The following ACACA variants were observed in gnomAD, a reference collection of about 807,000 sequenced individuals.
ACACA encodes acetyl-CoA carboxylase 1.
In ACACA, 103 loss-of-function variants were observed where a neutral mutation model predicts 296.1. The ratio of observed to expected loss-of-function variants is 0.35; its 90% CI spans 0.30 to 0.41. The LOEUF is 0.41. Among genes scored for constraint, ACACA ranks in the 10% least tolerant of loss-of-function variants. The pLI, the probability that ACACA is intolerant of heterozygous loss-of-function variation, is 1.00. For synonymous variants in ACACA, 953 were observed against 1,038.6 expected (o/e 0.92, Z 1.58); for missense variants, 1,554 against 2,989.7 (o/e 0.52, Z 11.20).
At chr17:37,398,013 AAGGTCAAG>A (rs2051136974) in intron 1 of ACACA, among the ~76,000 whole-genome samples, 1 of 151,950 alleles carries the variant, frequency 6.6e-6, no homozygotes, top group South Asian at 2.1e-4. Flanking sequence ...GGTGGATCAC[AAGGTCAAG>A]AGATTGAGAC....
chr17:37,287,201 G>A (rs2082815884), intron 3 of ACACA, among the ~76,000 whole-genome samples: 1 of 152,064 alleles, frequency 6.6e-6, no homozygotes, highest in Non-Finnish European at 1.5e-5. Flanking sequence ...AACTTGATGG[G>A]GCAGTAAGGT....
At chr17:37,216,208 GTA>G (rs71159696) in intron 29 of ACACA, among the ~76,000 whole-genome samples, 4,965 of 143,966 alleles carry the variant, frequency 0.034, 220 homozygotes, top group African/African-American at 0.11. Flanking sequence ...GTGTGTGTGT[GTA>G]TATATATATA....
chr17:37,162,631 A>G (rs933496815), intron 41 of ACACA: 10 of 281,796 alleles, frequency 3.5e-5, no homozygotes, highest in South Asian at 1.5e-4. Flanking sequence ...CGCCTTGGGC[A>G]CACTACAAGA....
intron 40 of ACACA, among the ~76,000 whole-genome samples, 170 bp from the exon 41 acceptor site, chr17:37,179,576 A>C (rs2077243512): frequency 6.6e-6 from 1 of 152,204 alleles, no homozygotes; most frequent in African/African-American, 2.4e-5. Context: ...TAGATTTGTA[A>C]TTACTTTTTA....
rs1423103827 is a variant in ACACA at position 37,339,700 on chromosome 17, T to C, written c.85+104A>G. ...TCCACCCTAAATCTGCCTATATTAT[T>C]TTGTGGAAGTCAACTTTTAACACAA... On this transcript the variant is annotated intron_variant, in intron 2 of 55. Coordinates refer to ENST00000616317, the MANE Select transcript of ACACA (RefSeq NM_198834.3). The C allele has an allele frequency of 9.2e-6, 7 of 762,868 alleles. No individual in the cohort carries two copies. The African/African-American group carries it at 1.2e-4, about 13-fold the overall frequency. 47.3% of individuals were successfully genotyped at this position (762,868 alleles called of 1,614,324 possible). A position where few individuals can be genotyped will look rare whatever the true frequency, so the allele number is the denominator to read the frequency against.
intron 42 of ACACA, among the ~76,000 whole-genome samples, chr17:37,158,317 T>C (rs1421464032): frequency 6.6e-6 from 1 of 152,134 alleles, no homozygotes; most frequent in Non-Finnish European, 1.5e-5. Context: ...AGCTTGTACA[T>C]GAAACTTAAA....
chr17:37,099,477 C>T (rs1267935762), intron 52 of ACACA, among the ~76,000 whole-genome samples: 2 of 142,936 alleles, frequency 1.4e-5, no homozygotes, highest in Non-Finnish European at 3.2e-5. Flanking sequence ...GGATGGAGGG[C>T]TGATGGGAGG....
chr17:37,152,344 A>G (rs566407165), intron 43 of ACACA, among the ~76,000 whole-genome samples: 3 of 152,232 alleles, frequency 2.0e-5, no homozygotes, highest in Non-Finnish European at 4.4e-5. Flanking sequence ...AAAAGGCATC[A>G]TATCAACAAT....
intron 9 of ACACA, among the ~76,000 whole-genome samples, chr17:37,273,252 T>C (rs1271772596): frequency 6.6e-6 from 1 of 152,230 alleles, no homozygotes; most frequent in Non-Finnish European, 1.5e-5. Context: ...TTTTCTACAA[T>C]AGCCTCTTTC....
chr17:37,111,791 G>A, intron 51 of ACACA, 148 bp from the exon 52 acceptor site: 14 of 692,728 alleles, frequency 2.0e-5, no homozygotes, highest in South Asian at 1.7e-4. Flanking sequence ...TCTCCCCGGG[G>A]AGAACAGTAG....
In ACACA at chr17:37,321,129, T is replaced by C. The variant is rs182246721; in HGVS notation, c.338+9044A>G. On this transcript the variant is annotated intron_variant, in intron 3 of 55. Coordinates refer to ENST00000616317, the MANE Select transcript of ACACA (RefSeq NM_198834.3). ...TTTTCTAATTAGCCACTGAGAAAACTTGACTAATATTTCCTAAAGTTAATG... is the reference window on the plus strand; with the variant it reads ...TTTTCTAATTAGCCACTGAGAAAACCTGACTAATATTTCCTAAAGTTAATG... Among the ~76,000 whole-genome samples, 5 of 152,168 alleles carry C rather than the reference T, an allele frequency of 3.3e-5. 1 individual carries two copies. Among genetic ancestry groups the C allele is most frequent in the East Asian group, 3.9e-4 (2 of 5,184 alleles).
At chr17:37,372,954 C>T (rs532222578) in intron 1 of ACACA, among the ~76,000 whole-genome samples, 326 of 151,844 alleles carry the variant, frequency 2.1e-3, no homozygotes, top group African/African-American at 7.5e-3. Context: ...AATCTCGGCT[C>T]ACTGCAACCT....
intron 2 of ACACA, among the ~76,000 whole-genome samples, chr17:37,331,581 T>C (rs1040887848): frequency 9.9e-5 from 15 of 152,108 alleles, no homozygotes; most frequent in African/African-American, 3.6e-4. Context: ...CTGACTTTTG[T>C]ATTTTTAGTA....
rs74405474 is a variant in ACACA, at chr17:37,346,810, A to C, written c.39-6960T>G. Among the ~76,000 whole-genome samples, 138 of 152,104 alleles carry C rather than the reference A, an allele frequency of 9.1e-4. 1 individual carries two copies. Among genetic ancestry groups the C allele is most frequent in the African/African-American group, 3.3e-3 (136 of 41,504 alleles). ...AATTTCTCCCATTTGGAATGGCTAC[A>C]TTTACCCAATGCCTGTATTTCCATT... On this transcript the variant is annotated intron_variant, in intron 1 of 55. Coordinates refer to ENST00000616317, the MANE Select transcript of ACACA (RefSeq NM_198834.3).
chr17:37,112,197 C>A (rs1374384534), intron 51 of ACACA, among the ~76,000 whole-genome samples: 1 of 152,012 alleles, frequency 6.6e-6, no homozygotes, highest in Non-Finnish European at 1.5e-5. Context: ...TGAGCAGAGT[C>A]AAAGGTCTCA....
intron 26 of ACACA, 57 bp from the exon 27 acceptor site, chr17:37,225,162 C>T: frequency 2.1e-6 from 2 of 970,844 alleles, no homozygotes; most frequent in South Asian, 2.6e-5. Context: ...TTCTAGACTC[C>T]TATTAGGCAG....
intron 1 of ACACA, chr17:37,386,198 T>G: frequency 3.0e-6 from 3 of 988,444 alleles, no homozygotes; most frequent in Non-Finnish European, 4.5e-6. Flanking sequence ...AAGAAACATT[T>G]TTAGCCCCAG....
At chr17:37,260,390 G>A (rs1281460464) in intron 11 of ACACA, among the ~76,000 whole-genome samples, 1 of 141,864 alleles carries the variant, frequency 7.0e-6, no homozygotes, top group Non-Finnish European at 1.5e-5. Context: ...TGTAACCTCC[G>A]CCTCTCGGAT....
At chr17:37,282,426 T>C (rs1470274197) in intron 5 of ACACA, among the ~76,000 whole-genome samples, 1 of 152,242 alleles carries the variant, frequency 6.6e-6, no homozygotes, top group Admixed American at 6.5e-5. Context: ...GGTATTTCTT[T>C]ATAGCAATGC....
Sources: allele counts gnomAD v4.1 joint callset (sites outside exome capture counted in the v4.1 genomes callset), GRCh38; gene constraint gnomAD v4.1.1; transcripts MANE v1.5; gene names NCBI Gene and HGNC (gene_info 2026-07-23, HGNC 2026-07-21).